Variants in AHCY observed in about 807,000 individuals in gnomAD.
AHCY encodes adenosylhomocysteinase.
In AHCY, 24 loss-of-function variants were observed where a neutral mutation model predicts 45.4. The ratio of observed to expected loss-of-function variants is 0.53; its 90% CI spans 0.38 to 0.74. The LOEUF (loss-of-function observed/expected upper bound fraction) is 0.74, where lower values mean the gene tolerates loss of function less well. Ranked by LOEUF, AHCY falls within the 30% of genes least tolerant of loss-of-function variation. AHCY has a pLI of 0.00. For synonymous variants in AHCY, 245 were observed against 235.1 expected, an observed-to-expected ratio of 1.04 and a Z score of -0.39; for missense variants, 449 against 594.1, an observed-to-expected ratio of 0.76 and a Z score of 2.54.
chr20:34,249,291 C>T, the AHCY span, among the ~76,000 whole-genome samples: 22 of 152,132 alleles, frequency 1.4e-4, no homozygotes, highest in Admixed American at 9.8e-4. Context: ...ACTCCCCAAA[C>T]GCATTCCCAT....
At chr20:34,245,850 A>G in the AHCY span, 1 of 789,552 alleles carries the variant, frequency 1.3e-6, no homozygotes, top group African/African-American at 1.9e-5. Flanking sequence ...GAATATATAT[A>G]TATTCTACAG....
intron 1 of AHCY, among the ~76,000 whole-genome samples, chr20:34,308,582 A>G (rs1191718401): frequency 1.3e-5 from 2 of 152,070 alleles, no homozygotes; most frequent in African/African-American, 4.8e-5. Flanking sequence ...AGTATTTGAA[A>G]TCCATAATTA....
At chr20:34,246,430 T>C in the AHCY span, 1 of 1,358,068 alleles carries the variant, frequency 7.4e-7, no homozygotes, top group African/African-American at 1.4e-5. Flanking sequence ...CTGTTGGTAA[T>C]GAACAGACTC....
the AHCY span, chr20:34,245,942 A>G: frequency 1.3e-6 from 2 of 1,531,772 alleles, no homozygotes; most frequent in Non-Finnish European, 8.9e-7. Context: ...AATACAGACA[A>G]ATTTTCAAAT....
At chr20:34,258,700 A>ATATATATATATATATATATACACATAC in the AHCY span, among the ~76,000 whole-genome samples, 1 of 77,918 alleles carries the variant, frequency 1.3e-5, no homozygotes, top group Non-Finnish European at 2.4e-5. Flanking sequence ...TACATACTAT[A>ATATATATATATATATATATACACATAC]TATATATATT....
At chr20:34,270,190 T>C in the AHCY span, among the ~76,000 whole-genome samples, 2 of 151,254 alleles carry the variant, frequency 1.3e-5, no homozygotes, top group Admixed American at 1.3e-4. Context: ...AGTTGGAGGC[T>C]GCAGTGAGCT....
chr20:34,291,988 C>A (rs942887843), intron 4 of AHCY, among the ~76,000 whole-genome samples: 1 of 152,250 alleles, frequency 6.6e-6, no homozygotes. Flanking sequence ...ACACCATACC[C>A]GCAGTGAAGG....
the AHCY span, among the ~76,000 whole-genome samples, chr20:34,242,473 T>C: frequency 9.2e-5 from 14 of 152,178 alleles, no homozygotes; most frequent in Non-Finnish European, 1.6e-4. Flanking sequence ...CCTCAGGTGA[T>C]CTGCCCACCT....
the AHCY span, among the ~76,000 whole-genome samples, chr20:34,246,833 C>T: frequency 1.3e-5 from 2 of 152,104 alleles, no homozygotes; most frequent in African/African-American, 4.8e-5. Context: ...TCCCACAACT[C>T]TTCTATTTAT....
chr20:34,297,199 G>A (rs1287271069), intron 1 of AHCY, among the ~76,000 whole-genome samples: 2 of 151,840 alleles, frequency 1.3e-5, no homozygotes, highest in African/African-American at 2.4e-5. Context: ...AAAACTCTCA[G>A]CCCAATTAAA....
intron 4 of AHCY, 96 bp from the exon 5 acceptor site, chr20:34,291,627 GT>G: frequency 8.6e-7 from 1 of 1,161,588 alleles, no homozygotes; most frequent in Non-Finnish European, 1.3e-6. Flanking sequence ...CTCTTTCTGG[GT>G]TCCCATCTCT....
intron 9 of AHCY, among the ~76,000 whole-genome samples, chr20:34,282,303 ACCT>A (rs1362759157): frequency 6.6e-6 from 1 of 151,860 alleles, no homozygotes; most frequent in Non-Finnish European, 1.5e-5. Flanking sequence ...AGGAATTGAG[ACCT>A]CCTGTCAACA....
chr20:34,292,862 A>G (rs2036445820), intron 3 of AHCY, among the ~76,000 whole-genome samples: 1 of 152,004 alleles, frequency 6.6e-6, no homozygotes, highest in African/African-American at 2.4e-5. Context: ...TTCCTTTCCC[A>G]TCCCCTTCTG....
the AHCY span, among the ~76,000 whole-genome samples, chr20:34,255,500 C>T: frequency 3.9e-5 from 6 of 152,164 alleles, no homozygotes; most frequent in Admixed American, 1.3e-4. Context: ...AGACCGAGGG[C>T]ACAAGCTGCT....
chr20:34,309,888 G>A (rs1290756996), intron 1 of AHCY, among the ~76,000 whole-genome samples: 1 of 150,876 alleles, frequency 6.6e-6, no homozygotes, highest in Non-Finnish European at 1.5e-5. Context: ...GAGGTAGGGA[G>A]GGAAGGAGGG....
chr20:34,301,903 A>G, intron 1 of AHCY: 2 of 985,430 alleles, frequency 2.0e-6, no homozygotes, highest in South Asian at 4.7e-5. Context: ...GTCCACCTCT[A>G]TGAAGATTAT....
At chr20:34,279,433 A>C (rs934194148), downstream of AHCY, among the ~76,000 whole-genome samples, 8 of 151,840 alleles carry the variant, frequency 5.3e-5, no homozygotes, top group South Asian at 2.1e-4. Flanking sequence ...AAAAAAAAAA[A>C]AACAACAACT....
At chr20:34,268,612 T>C in the AHCY span, among the ~76,000 whole-genome samples, 1 of 151,170 alleles carries the variant, frequency 6.6e-6, no homozygotes, top group Non-Finnish European at 1.5e-5. Context: ...GGTGCGCACA[T>C]GTGGTCCCAG....
intron 1 of AHCY, among the ~76,000 whole-genome samples, chr20:34,298,699 G>A (rs1438946043): frequency 8.0e-5 from 12 of 150,806 alleles, no homozygotes; most frequent in African/African-American, 1.9e-4. Flanking sequence ...AGCCAGGCTC[G>A]CCCACAGTTA....
Sources: allele counts gnomAD v4.1 joint callset (sites outside exome capture counted in the v4.1 genomes callset), GRCh38; gene constraint gnomAD v4.1.1; transcripts MANE v1.5; gene names NCBI Gene and HGNC (gene_info 2026-07-23, HGNC 2026-07-21).